The following PACRG variants were observed in gnomAD, a reference collection of about 807,000 sequenced individuals.
The protein encoded by PACRG is parkin coregulated gene protein.
PACRG carries 29 observed loss-of-function variants against 29.7 expected under a neutral mutation model. That is an observed-to-expected ratio of 0.98 (90% CI 0.73 to 1.33). The LOEUF (loss-of-function observed/expected upper bound fraction) is 1.33, where lower values mean the gene tolerates loss of function less well. PACRG is among the 40% of genes most tolerant of loss of function. The probability of loss-of-function intolerance (pLI) is 0.00; values close to 1 mark genes in which losing one functional copy is unlikely to be tolerated. For missense variants in PACRG, 279 were observed against 316.2 expected (o/e 0.88, Z 0.89); for synonymous variants, 116 against 118.7 (o/e 0.98, Z 0.15).
At chr6:162,891,377 C>G (rs150825422) in intron 2 of PACRG, among the ~76,000 whole-genome samples, 18 of 152,218 alleles carry the variant, frequency 1.2e-4, no homozygotes, top group Admixed American at 9.8e-4. Context: ...TTTATCCCTC[C>G]CTCATGCACC....
intron 4 of PACRG, among the ~76,000 whole-genome samples, chr6:163,201,681 G>A (rs748928981): frequency 6.6e-6 from 1 of 152,238 alleles, no homozygotes; most frequent in Non-Finnish European, 1.5e-5. Context: ...AGGATGCAGC[G>A]TAAGAACCTG....
intron 2 of PACRG, among the ~76,000 whole-genome samples, chr6:162,826,084 T>C (rs2128384767): frequency 6.6e-6 from 1 of 152,302 alleles, no homozygotes; most frequent in South Asian, 2.1e-4. Flanking sequence ...TGAGATGTAA[T>C]CTTTCCTCAA....
At chr6:163,122,671 G>T (rs1254831585) in intron 4 of PACRG, among the ~76,000 whole-genome samples, 1 of 152,190 alleles carries the variant, frequency 6.6e-6, no homozygotes, top group Non-Finnish European at 1.5e-5. Flanking sequence ...GTAGCCTGCA[G>T]AATCGGAAGA....
chr6:163,260,410 A>C (rs1410837819), intron 4 of PACRG, among the ~76,000 whole-genome samples: 1 of 152,236 alleles, frequency 6.6e-6, no homozygotes, highest in African/African-American at 2.4e-5. Flanking sequence ...GCAATTATTC[A>C]AAGTTCGGGC....
rs191905419 is a variant in PACRG at position 163,219,141 on chromosome 6, T to C, written c.614-95686T>C. 1.2e-4 allele frequency among the ~76,000 whole-genome samples: 19 copies of C among 152,368 alleles called. No individual in the cohort carries two copies. The East Asian group carries it at 3.7e-3, about 29-fold the overall frequency. On this transcript the variant is annotated intron_variant, in intron 4 of 4. Coordinates refer to ENST00000366888, the MANE Select transcript of PACRG (RefSeq NM_001080379.2). ...TGTCCAACCGCCGCCTCACTATTCC[T>C]ATTTGAATGTCTAAATAGGTGATTT...
chr6:162,927,163 C>T (rs946712161), intron 2 of PACRG, among the ~76,000 whole-genome samples: 7 of 151,866 alleles, frequency 4.6e-5, no homozygotes, highest in Admixed American at 3.3e-4. Context: ...CAGATGCTGG[C>T]GAGGCTGTGG....
chr6:162,771,137 C>T (rs918637690), intron 1 of PACRG, among the ~76,000 whole-genome samples: 1 of 151,936 alleles, frequency 6.6e-6, no homozygotes, highest in Non-Finnish European at 1.5e-5. Context: ...ATGAAATAAC[C>T]TTGTTATTAC....
At chr6:163,107,770 A>G (rs1410286027) in intron 4 of PACRG, among the ~76,000 whole-genome samples, 1 of 152,156 alleles carries the variant, frequency 6.6e-6, no homozygotes, top group Non-Finnish European at 1.5e-5. Context: ...TTCCAAATGT[A>G]CAAGGACTCA....
intron 2 of PACRG, among the ~76,000 whole-genome samples, chr6:162,844,368 A>C (rs111684469): frequency 9.2e-5 from 14 of 152,274 alleles, no homozygotes; most frequent in African/African-American, 3.4e-4. Flanking sequence ...TTTCCAGGTG[A>C]GTCCGTCACC....
chr6:163,194,009 C>T (rs1210769690), intron 4 of PACRG, among the ~76,000 whole-genome samples: 1 of 151,866 alleles, frequency 6.6e-6, no homozygotes, highest in Non-Finnish European at 1.5e-5. Context: ...TCTCCTGCCT[C>T]AGCCTCCCGA....
chr6:163,146,117 C>G (rs1384681556), intron 4 of PACRG, among the ~76,000 whole-genome samples: 1 of 152,066 alleles, frequency 6.6e-6, no homozygotes, highest in African/African-American at 2.4e-5. Flanking sequence ...CCTTATGTAC[C>G]AGATCATCAC....
intron 1 of PACRG, among the ~76,000 whole-genome samples, chr6:162,746,369 G>A (rs976473747): frequency 3.9e-5 from 6 of 151,950 alleles, no homozygotes; most frequent in East Asian, 1.9e-4. Flanking sequence ...AATATAACAC[G>A]GTATTTAAAT....
At chr6:163,000,203 T>C (rs1238597075) in intron 2 of PACRG, among the ~76,000 whole-genome samples, 1 of 152,152 alleles carries the variant, frequency 6.6e-6, no homozygotes, top group Non-Finnish European at 1.5e-5. Context: ...TGGAGGACAG[T>C]CTCTAAATGC....
At chr6:163,274,413 T>A (rs1040786906) in intron 4 of PACRG, among the ~76,000 whole-genome samples, 5 of 152,242 alleles carry the variant, frequency 3.3e-5, no homozygotes, top group African/African-American at 4.8e-5. Flanking sequence ...TGCCACATTT[T>A]CTTAATCCAA....
chr6:162,890,484 C>T (rs529415047), intron 2 of PACRG, among the ~76,000 whole-genome samples: 2 of 152,306 alleles, frequency 1.3e-5, no homozygotes, highest in African/African-American at 4.8e-5. Flanking sequence ...TATGTACCTT[C>T]ACCACAATCA....
At chr6:163,244,029 A>C (rs1037478801) in intron 4 of PACRG, among the ~76,000 whole-genome samples, 1 of 152,236 alleles carries the variant, frequency 6.6e-6, no homozygotes, top group Non-Finnish European at 1.5e-5. Flanking sequence ...TTAATTTGAC[A>C]CAGAGATTTT....
intron 2 of PACRG, among the ~76,000 whole-genome samples, chr6:162,993,289 G>A (rs1260156613): frequency 1.5e-4 from 21 of 143,476 alleles, no homozygotes; most frequent in Admixed American, 4.9e-4. Flanking sequence ...CAATTCCTGG[G>A]TATCCTTGTT....
At chr6:163,067,952 T>C (rs760683224) in intron 3 of PACRG, among the ~76,000 whole-genome samples, 1 of 152,244 alleles carries the variant, frequency 6.6e-6, no homozygotes, top group Non-Finnish European at 1.5e-5. Flanking sequence ...TTACAAGATC[T>C]GTCAAAAGAA....
At chr6:163,194,996 T>C (rs1780384238) in intron 4 of PACRG, among the ~76,000 whole-genome samples, 2 of 152,186 alleles carry the variant, frequency 1.3e-5, no homozygotes, top group African/African-American at 4.8e-5. Flanking sequence ...ACGGGCTTGC[T>C]GAACAGTGAG....
Sources: allele counts gnomAD v4.1 joint callset (sites outside exome capture counted in the v4.1 genomes callset), GRCh38; gene constraint gnomAD v4.1.1; transcripts MANE v1.5; gene names NCBI Gene and HGNC (gene_info 2026-07-23, HGNC 2026-07-21).